The following TACC1 variants were observed in gnomAD, a reference collection of about 807,000 sequenced individuals.
The protein encoded by TACC1 is transforming acidic coiled-coil-containing protein 1.
In TACC1, 48 loss-of-function variants were observed where a neutral mutation model predicts 84.4. The ratio of observed to expected loss-of-function variants is 0.57; its 90% confidence interval spans 0.45 to 0.72. TACC1 has a LOEUF of 0.72. Ranked by LOEUF, TACC1 falls within the 30% of genes least tolerant of loss-of-function variation. The pLI, the probability that TACC1 is intolerant of heterozygous loss-of-function variation, is 0.00. For missense variants in TACC1, 920 were observed against 973.0 expected, an observed-to-expected ratio of 0.95 and a Z score of 0.72; for synonymous variants, 372 against 376.3, an observed-to-expected ratio of 0.99 and a Z score of 0.13.
At chr8:38,836,391 G>T in intron 7 of TACC1, 104 bp downstream of exon 7, 1 of 1,502,142 alleles carries the variant, frequency 6.7e-7, no homozygotes, top group South Asian at 1.2e-5. Context: ...TCACAGGCTG[G>T]AAGTTCTTAT....
intron 3 of TACC1, among the ~76,000 whole-genome samples, chr8:38,764,442 A>G (rs1811839451): frequency 1.3e-5 from 2 of 152,046 alleles, no homozygotes. Context: ...AAAAAAAAAA[A>G]AAAGCAATCC....
At chr8:38,771,861 T>G (rs11779183) in intron 3 of TACC1, among the ~76,000 whole-genome samples, 29,504 of 152,052 alleles carry the variant, frequency 0.19, 3,480 homozygotes, top group Non-Finnish European at 0.27. Context: ...TCAGCCTCCC[T>G]CCCAAGTAGT....
chr8:38,740,527 A>G (rs1270186054), intron 1 of TACC1, among the ~76,000 whole-genome samples: 1 of 152,226 alleles, frequency 6.6e-6, no homozygotes, highest in Non-Finnish European at 1.5e-5. Flanking sequence ...CCATAGCAAT[A>G]TAGATCAAGG....
At chr8:38,776,953 GA>G (rs914147973) in intron 3 of TACC1, among the ~76,000 whole-genome samples, 9 of 152,098 alleles carry the variant, frequency 5.9e-5, no homozygotes, top group African/African-American at 2.2e-4. Context: ...GACACAGTCT[GA>G]TAAAGAAGAT....
intron 8 of TACC1, among the ~76,000 whole-genome samples, chr8:38,838,929 C>T (rs1056055729): frequency 6.6e-6 from 1 of 151,818 alleles, no homozygotes; most frequent in Non-Finnish European, 1.5e-5. Context: ...CAGGGTCTCA[C>T]TCTGTCATCC....
intron 12 of TACC1, among the ~76,000 whole-genome samples, chr8:38,847,579 C>T (rs1390521889): frequency 6.6e-6 from 1 of 152,188 alleles, no homozygotes; most frequent in Non-Finnish European, 1.5e-5. Context: ...GAACGGTGCT[C>T]CCTGGGAGAT....
intron 12 of TACC1, among the ~76,000 whole-genome samples, chr8:38,847,639 T>C (rs1832565355): frequency 2.0e-5 from 3 of 152,210 alleles, no homozygotes; most frequent in Admixed American, 2.0e-4. Context: ...GAGACCCAGA[T>C]ACTTATGTTT....
chr8:38,729,878 G>C (rs1392097978), intron 1 of TACC1, among the ~76,000 whole-genome samples: 1 of 123,186 alleles, frequency 8.1e-6, no homozygotes, highest in Non-Finnish European at 1.9e-5. Context: ...AAAAAGAAAA[G>C]AAAAAGAAAA....
intron 3 of TACC1, among the ~76,000 whole-genome samples, chr8:38,755,278 A>G (rs984472066): frequency 6.6e-6 from 1 of 152,222 alleles, no homozygotes; most frequent in African/African-American, 2.4e-5. Flanking sequence ...TACAGCTTCA[A>G]GAATGAAGTT....
At chr8:38,820,733 A>C in intron 3 of TACC1, 98 bp downstream of exon 3, 1 of 1,471,028 alleles carries the variant, frequency 6.8e-7, no homozygotes, top group Non-Finnish European at 9.1e-7. Context: ...TTTACCTTTG[A>C]GGTGCACCGA....
intron 3 of TACC1, among the ~76,000 whole-genome samples, chr8:38,777,718 C>T (rs563698124): frequency 6.6e-6 from 1 of 152,246 alleles, no homozygotes; most frequent in East Asian, 1.9e-4. Context: ...TTGCTAGAGC[C>T]CAGGAGCTCG....
intron 2 of TACC1, among the ~76,000 whole-genome samples, chr8:38,798,887 T>G (rs970875147): frequency 6.6e-6 from 1 of 152,124 alleles, no homozygotes; most frequent in Non-Finnish European, 1.5e-5. Context: ...ATAAATTGTG[T>G]ACTTCTCCAT....
At chr8:38,772,882 C>A (rs1813939898) in intron 3 of TACC1, among the ~76,000 whole-genome samples, 1 of 151,614 alleles carries the variant, frequency 6.6e-6, no homozygotes, top group Non-Finnish European at 1.5e-5. Context: ...ACTAATAAAA[C>A]AAATATTTAA....
At chr8:38,817,220 G>C (rs1825630425) in intron 2 of TACC1, among the ~76,000 whole-genome samples, 1 of 152,176 alleles carries the variant, frequency 6.6e-6, no homozygotes, top group Admixed American at 6.5e-5. Context: ...TCTTTTAACT[G>C]AGCCAGTTGT....
chr8:38,827,590 T>A lies in TACC1; in HGVS notation c.1660+215T>A, dbSNP rs1041271150. On this transcript the variant is annotated intron_variant, in intron 5 of 12. Coordinates refer to ENST00000317827, the MANE Select transcript of TACC1 (RefSeq NM_006283.3). ...GTAGAGATACTTGTGACAAGTTGTA[T>A]AGGAGATGCTGATGTATGTGAGACT... is the stretch of plus-strand genomic sequence containing the variant. 6 of 585,070 alleles carry A rather than the reference T, an allele frequency of 1.0e-5. No individual in the cohort carries two copies. The Admixed American group carries it at 1.5e-4, about 15-fold the overall frequency. The allele number at this position is 585,070 out of a possible 1,614,324, so 36.2% of individuals were successfully genotyped here. A position where few individuals can be genotyped will look rare whatever the true frequency, so the allele number is the denominator to read the frequency against.
chr8:38,827,655 T>C, intron 5 of TACC1: 1 of 438,914 alleles, frequency 2.3e-6, no homozygotes, highest in East Asian at 4.5e-5. Context: ...TATGGCCATA[T>C]CTTAAAGTAT....
At chr8:38,755,877 C>T (rs948536381) in intron 3 of TACC1, among the ~76,000 whole-genome samples, 14 of 151,706 alleles carry the variant, frequency 9.2e-5, no homozygotes, top group African/African-American at 2.9e-4. Flanking sequence ...TGCAGTGGCG[C>T]GATCTCGGCT....
Position 38,787,279 on chromosome 8 carries a change from G to A in TACC1, c.-304G>A, listed in dbSNP as rs1817438784. On this transcript the variant is annotated 5_prime_UTR_variant, in exon 1 of 13. Transcript: ENST00000317827. ...CGGGAGCAGCAGAGGTCTAGCAGCC[G>A]GGCGCCGCGGGCCGGGGGCCTGAGG... 9.2e-7 allele frequency: 1 copy of A among 1,087,738 alleles called. No individual in the cohort carries two copies. Among genetic ancestry groups the A allele is most frequent in the Non-Finnish European group, 1.1e-6 (1 of 896,050 alleles). The allele number at this position is 1,087,738 out of a possible 1,614,324, so 67.4% of individuals were successfully genotyped here.
At chr8:38,847,731 G>C (rs995864992) in intron 12 of TACC1, among the ~76,000 whole-genome samples, 4 of 151,956 alleles carry the variant, frequency 2.6e-5, no homozygotes, top group African/African-American at 9.7e-5. Context: ...CAGAGGGCTG[G>C]TGACTGTCCT....
Sources: allele counts gnomAD v4.1 joint callset (sites outside exome capture counted in the v4.1 genomes callset), GRCh38; gene constraint gnomAD v4.1.1; transcripts MANE v1.5; gene names NCBI Gene and HGNC (gene_info 2026-07-23, HGNC 2026-07-21).